LINGO1: variants seen among roughly 807,000 people sequenced by gnomAD.
LINGO1 encodes the protein leucine-rich repeat and immunoglobulin-like domain-containing nogo receptor-interacting protein 1.
LINGO1 carries 11 observed loss-of-function variants against 37.3 expected under a neutral mutation model. The observed-to-expected ratio is 0.29, with a 90% CI of 0.19 to 0.49. LINGO1 has a LOEUF of 0.49. Ranked by LOEUF, LINGO1 falls within the 20% of genes least tolerant of loss-of-function variation. LINGO1 has a pLI of 0.99. For synonymous variants in LINGO1, 387 were observed against 403.0 expected (o/e 0.96, Z 0.48); for missense variants, 585 against 878.2 (o/e 0.67, Z 4.22).
At chr15:77,790,169 C>T (rs895400194), upstream of LINGO1, among the ~76,000 whole-genome samples, 2 of 152,194 alleles carry the variant, frequency 1.3e-5, no homozygotes, top group African/African-American at 4.8e-5. Flanking sequence ...GCTATAGCAG[C>T]CTAGCAAACT....
At position 77,718,497 on chromosome 15, in the gene LINGO1, G is replaced by A. The variant is rs1288756826; in HGVS notation, c.-195+16495C>T. On this transcript the variant is annotated intron_variant, in intron 2 of 3. Transcript: ENST00000561686. ...AGGACCACACACATGTATGTATTGC[G>A]TGCCTACACATGTACAGACTCACAC... 5.3e-5 allele frequency among the ~76,000 whole-genome samples: 8 copies of A among 150,840 alleles called. 1 individual carries two copies. Among genetic ancestry groups the A allele is most frequent in the East Asian group, 2.1e-4 (1 of 4,786 alleles).
In LINGO1 at chr15:77,613,714, A is replaced by G. The variant is rs2073583328; in HGVS notation, c.*330T>C. ...TTATTTCAAGTTTTCATAAAAATCCATAATTATTGAAACCCAAGTTACAGA... is the reference window on the plus strand; with the variant it reads ...TTATTTCAAGTTTTCATAAAAATCCGTAATTATTGAAACCCAAGTTACAGA... On this transcript the variant is annotated 3_prime_UTR_variant, in exon 2 of 2. Coordinates refer to ENST00000355300, the MANE Select transcript of LINGO1 (RefSeq NM_032808.7). The G allele has an allele frequency of 3.2e-6, 1 of 311,456 alleles. No homozygotes were observed. The highest frequency in any genetic ancestry group is 5.9e-6 in the Non-Finnish European group (1 of 168,114). The allele number at this position is 311,456 out of a possible 1,614,324, so 19.3% of individuals were successfully genotyped here. A position where few individuals can be genotyped will look rare whatever the true frequency, so the allele number is the denominator to read the frequency against.
intron 3 of LINGO1, among the ~76,000 whole-genome samples, chr15:77,643,427 T>C (rs777366333): frequency 3.3e-5 from 5 of 152,190 alleles, no homozygotes; most frequent in Admixed American, 6.5e-5. Flanking sequence ...TGAGAAGGGC[T>C]GCTGGGACAC....
intron 1 of LINGO1, among the ~76,000 whole-genome samples, chr15:77,616,363 G>A: frequency 6.6e-6 from 1 of 152,204 alleles, no homozygotes; most frequent in Admixed American, 6.5e-5. Context: ...AGAAGCCGGA[G>A]CAGAGCAACC....
chr15:77,734,558 T>G (rs1263710163), intron 2 of LINGO1, among the ~76,000 whole-genome samples: 2 of 150,494 alleles, frequency 1.3e-5, no homozygotes, highest in Non-Finnish European at 3.0e-5. Context: ...GAGCACACCC[T>G]GCCCCAACAG....
chr15:77,797,771 G>T (rs2076885169), intron 1 of LINGO1, among the ~76,000 whole-genome samples: 1 of 152,250 alleles, frequency 6.6e-6, no homozygotes, highest in South Asian at 2.1e-4. Flanking sequence ...ATGGAAGGAT[G>T]GGTGGATGGG....
At position 77,646,666 on chromosome 15, in the gene LINGO1, C is replaced by T. The variant is rs566830401; in HGVS notation, c.-13+30423G>A. On this transcript the variant is annotated intron_variant, in intron 3 of 3. Coordinates refer to the LINGO1 transcript ENST00000559893. ...CCTGCCAGGGTCTGCCCCAATTATT[C>T]GCTCATCTCCATCCCCACAACCTGG... is the stretch of plus-strand genomic sequence containing the variant. Among the ~76,000 whole-genome samples, 3 of 152,326 alleles carry T rather than the reference C, an allele frequency of 2.0e-5. No homozygotes were observed. The East Asian group carries it at 5.8e-4, about 29-fold the overall frequency.
chr15:77,797,661 G>A (rs907152868), intron 1 of LINGO1, among the ~76,000 whole-genome samples: 1 of 152,192 alleles, frequency 6.6e-6, no homozygotes, highest in Non-Finnish European at 1.5e-5. Context: ...TCCCTGGAGG[G>A]CCAGACCAGC....
intron 3 of LINGO1, among the ~76,000 whole-genome samples, chr15:77,665,764 T>A (rs2075116492): frequency 6.6e-6 from 1 of 152,266 alleles, no homozygotes; most frequent in Admixed American, 6.5e-5. Context: ...GCCCTGCATG[T>A]GTCCTGGGCC....
chr15:77,626,769 A>G (rs115265246), intron 1 of LINGO1, among the ~76,000 whole-genome samples: 2,444 of 152,312 alleles, frequency 0.016, 45 homozygotes, highest in African/African-American at 0.05. Context: ...TAGACGGCTC[A>G]GGACAGAAGG....
intron 1 of LINGO1, among the ~76,000 whole-genome samples, chr15:77,812,129 C>T (rs1258354079): frequency 6.6e-6 from 1 of 152,194 alleles, no homozygotes; most frequent in African/African-American, 2.4e-5. Flanking sequence ...CCTAGCTGCA[C>T]ATTTAAAAGC....
chr15:77,704,403 T>C (rs1049450012), intron 2 of LINGO1, among the ~76,000 whole-genome samples: 1 of 152,160 alleles, frequency 6.6e-6, no homozygotes, highest in African/African-American at 2.4e-5. Flanking sequence ...GATCACAGAT[T>C]GAACCCCAAC....
intron 1 of LINGO1, among the ~76,000 whole-genome samples, chr15:77,772,822 T>C (rs1162157372): frequency 6.6e-6 from 1 of 152,082 alleles, no homozygotes; most frequent in East Asian, 1.9e-4. Flanking sequence ...AAAAACATCA[T>C]CATAATTATC....
chr15:77,662,632 G>C (rs559592886), intron 3 of LINGO1, among the ~76,000 whole-genome samples: 1 of 152,264 alleles, frequency 6.6e-6, no homozygotes, highest in East Asian at 1.9e-4. Context: ...TCCATGAAGG[G>C]CTGGTGGGTG....
At chr15:77,744,257 G>A (rs1238499317) in intron 1 of LINGO1, among the ~76,000 whole-genome samples, 1 of 152,208 alleles carries the variant, frequency 6.6e-6, no homozygotes, top group Non-Finnish European at 1.5e-5. Context: ...AAGCCAGCCT[G>A]GCACAGTGGC....
At chr15:77,740,648 C>A (rs753512315) in intron 1 of LINGO1, among the ~76,000 whole-genome samples, 8 of 152,132 alleles carry the variant, frequency 5.3e-5, no homozygotes, top group Non-Finnish European at 7.4e-5. Context: ...TGACTCCAAT[C>A]AGCGAGGGCT....
chr15:77,632,995 C>A (rs1196233188), upstream of LINGO1, among the ~76,000 whole-genome samples: 1 of 132,946 alleles, frequency 7.5e-6, no homozygotes, highest in Admixed American at 8.0e-5. The surrounding 1 kb of genome is among the most constrained non-coding windows in gnomAD (Gnocchi z 6.0). Context: ...GGAGAAGGCG[C>A]GGCCGCAAAA....
intron 1 of LINGO1, among the ~76,000 whole-genome samples, chr15:77,625,620 AT>A (rs2074064594): frequency 6.6e-6 from 1 of 152,156 alleles, no homozygotes; most frequent in Admixed American, 6.5e-5. Flanking sequence ...GGCTAGTATT[AT>A]CCCCATTTTA....
intron 2 of LINGO1, among the ~76,000 whole-genome samples, chr15:77,733,315 G>A (rs1373708964): frequency 6.6e-6 from 1 of 152,224 alleles, no homozygotes; most frequent in Non-Finnish European, 1.5e-5. Flanking sequence ...AAGGACGGAC[G>A]TGCCCCAGAG....
Sources: gnomAD v4.1 joint callset for allele counts (sites outside exome capture counted in the v4.1 genomes callset) on GRCh38, gnomAD v4.1.1 for gene constraint, Gnocchi (gnomAD v3.1) non-coding constraint, MANE v1.5 for transcripts, NCBI Gene and HGNC (gene_info 2026-07-23, HGNC 2026-07-21) for gene names.